CLASP1: variants seen among roughly 807,000 people sequenced by gnomAD.
CLASP1 encodes cytoplasmic linker associated protein 1.
A neutral mutation model predicts 192.3 loss-of-function variants in CLASP1; 38 were observed. That is an observed-to-expected ratio of 0.20 (90% CI 0.15 to 0.26). The LOEUF is 0.26. CLASP1 is among the 10% of genes least tolerant of loss of function. CLASP1 has a pLI of 1.00. For missense variants in CLASP1, 1,433 were observed against 1,932.5 expected, an observed-to-expected ratio of 0.74 and a Z score of 4.85; for synonymous variants, 691 against 712.8, an observed-to-expected ratio of 0.97 and a Z score of 0.49.
intron 2 of CLASP1, among the ~76,000 whole-genome samples, chr2:121,604,481 C>T (rs1004582049): frequency 6.6e-6 from 1 of 152,082 alleles, no homozygotes; most frequent in Admixed American, 6.5e-5. Flanking sequence ...CCAGCCCGGG[C>T]AACATGGTAA....
intron 1 of CLASP1, among the ~76,000 whole-genome samples, chr2:121,643,475 G>T (rs928644238): frequency 6.6e-6 from 1 of 152,162 alleles, no homozygotes; most frequent in African/African-American, 2.4e-5. Context: ...TGCAGACCTT[G>T]ATTTCTCATC....
intron 2 of CLASP1, among the ~76,000 whole-genome samples, chr2:121,534,815 A>G (rs1435846311): frequency 6.6e-6 from 1 of 152,192 alleles, no homozygotes; most frequent in Non-Finnish European, 1.5e-5. Context: ...ACGTTGAGCC[A>G]TTGTGCCTGG....
intron 33 of CLASP1, among the ~76,000 whole-genome samples, chr2:121,378,967 TAA>T (rs34669815): frequency 7.1e-4 from 93 of 130,490 alleles, no homozygotes; most frequent in African/African-American, 6.7e-4. Flanking sequence ...TATTCTGCCT[TAA>T]AAAAAAAAAA....
chr2:121,377,616 A>C (rs1468544674), exon 34 of CLASP1: 2 of 1,591,804 alleles, frequency 1.3e-6, no homozygotes, highest in Non-Finnish European at 1.7e-6. Flanking sequence ...AGATTTCTTC[A>C]GAGTTCAGGT....
intron 38 of CLASP1, among the ~76,000 whole-genome samples, chr2:121,348,277 G>A (rs2063731439): frequency 6.6e-6 from 1 of 152,156 alleles, no homozygotes. Flanking sequence ...ATAGTAAACA[G>A]AAAGTTCATT....
intron 34 of CLASP1, among the ~76,000 whole-genome samples, chr2:121,374,595 G>A (rs1017331346): frequency 6.6e-6 from 1 of 152,228 alleles, no homozygotes; most frequent in Non-Finnish European, 1.5e-5. Context: ...CAGCTGTAGG[G>A]GCTGTACCTT....
intron 1 of CLASP1, among the ~76,000 whole-genome samples, chr2:121,647,400 A>C (rs1032364174): frequency 2.0e-5 from 3 of 152,138 alleles, no homozygotes; most frequent in Admixed American, 6.5e-5. Flanking sequence ...TAATAAATAA[A>C]ACCAGTAAAC....
intron 26 of CLASP1, 136 bp downstream of exon 27, chr2:121,404,235 T>A: frequency 7.0e-7 from 1 of 1,423,690 alleles, no homozygotes; most frequent in Non-Finnish European, 9.3e-7. Context: ...TAACATACAC[T>A]AGTGCTGAAA....
chr2:121,391,625 C>T (rs901897961), intron 30 of CLASP1, among the ~76,000 whole-genome samples: 6 of 152,108 alleles, frequency 3.9e-5, no homozygotes, highest in Non-Finnish European at 7.4e-5. Context: ...AGAGTCCGGG[C>T]GTGGTGGCTC....
chr2:121,489,023 A>AC (rs1423974351), intron 8 of CLASP1, among the ~76,000 whole-genome samples: 1 of 152,174 alleles, frequency 6.6e-6, no homozygotes, highest in Non-Finnish European at 1.5e-5. Flanking sequence ...TATTATTTTG[A>AC]CCTGTTGCTA....
chr2:121,467,274 A>G (rs1559318587), intron 9 of CLASP1, among the ~76,000 whole-genome samples: 2 of 152,212 alleles, frequency 1.3e-5, no homozygotes, highest in Non-Finnish European at 2.9e-5. Flanking sequence ...GAACATATGC[A>G]TACATGTATC....
At chr2:121,507,123 C>G (rs770114772) in intron 7 of CLASP1, among the ~76,000 whole-genome samples, 23 of 152,136 alleles carry the variant, frequency 1.5e-4, no homozygotes, top group Non-Finnish European at 2.9e-4. Context: ...ATTGCCTTAA[C>G]TCAATGAAGA....
chr2:121,531,429 C>T (rs1349981867), intron 2 of CLASP1, among the ~76,000 whole-genome samples: 1 of 144,884 alleles, frequency 6.9e-6, no homozygotes, highest in East Asian at 2.0e-4. Context: ...CTCCGTCTCT[C>T]CTAAAAATAC....
At chr2:121,427,216 C>G (rs906896379) in intron 21 of CLASP1, among the ~76,000 whole-genome samples, 188 bp downstream of exon 21, 4 of 152,074 alleles carry the variant, frequency 2.6e-5, no homozygotes, top group African/African-American at 7.2e-5. Flanking sequence ...GCTATATAAA[C>G]TATTAAACTA....
intron 1 of CLASP1, among the ~76,000 whole-genome samples, chr2:121,640,321 TA>T (rs2071806577): frequency 6.6e-6 from 1 of 152,240 alleles, no homozygotes; most frequent in Non-Finnish European, 1.5e-5. Flanking sequence ...TATAACTATG[TA>T]ACGAGCCTGC....
chr2:121,388,551 T>C (rs778224259), intron 30 of CLASP1, among the ~76,000 whole-genome samples: 19 of 152,146 alleles, frequency 1.2e-4, no homozygotes, highest in Non-Finnish European at 2.5e-4. Context: ...AGCCTGCTTG[T>C]AGTGATTGTG....
At chr2:121,459,353 A>C (rs1257416466) in intron 12 of CLASP1, among the ~76,000 whole-genome samples, 1 of 152,026 alleles carries the variant, frequency 6.6e-6, no homozygotes, top group Non-Finnish European at 1.5e-5. Context: ...TAGCAAACAA[A>C]CTGATTATAT....
In CLASP1 at chr2:121,459,895, C is replaced by A. The variant is rs1030853972; in HGVS notation, c.1178+85G>T. 7 of 1,308,156 alleles carry A rather than the reference C, an allele frequency of 5.4e-6. No individual in the cohort carries two copies. The African/African-American group carries it at 5.9e-5, about 11-fold the overall frequency. 81.0% of individuals were successfully genotyped at this position (1,308,156 alleles called of 1,614,324 possible). ...TAGTCAGAAGTTACATTAAAGAGAC[C>A]CAGCTCACATGTTCAAGGAGACATC... On this transcript the variant is annotated intron_variant, in intron 12 of 39. Coordinates refer to ENST00000263710, the Ensembl canonical transcript of CLASP1.
chr2:121,388,593 C>T (rs2073770299), intron 30 of CLASP1, among the ~76,000 whole-genome samples: 1 of 152,184 alleles, frequency 6.6e-6, no homozygotes, highest in Non-Finnish European at 1.5e-5. Flanking sequence ...TGAGCTGGAA[C>T]AAGAGTGGTC....
Sources: gnomAD v4.1 joint callset for allele counts (sites outside exome capture counted in the v4.1 genomes callset) on GRCh38, gnomAD v4.1.1 for gene constraint, MANE v1.5 for transcripts, NCBI Gene and HGNC (gene_info 2026-07-23, HGNC 2026-07-21) for gene names.